Variants in PKD1L1 observed in about 807,000 individuals in gnomAD.
PKD1L1 encodes the protein polycystin-1-like protein 1.
PKD1L1 carries 236 observed loss-of-function variants against 323.4 expected under a neutral mutation model. That is an observed-to-expected ratio of 0.73 (90% confidence interval 0.66 to 0.81). The LOEUF (loss-of-function observed/expected upper bound fraction) is 0.81, where lower values mean the gene tolerates loss of function less well. Ranked by LOEUF, PKD1L1 falls within the 40% of genes least tolerant of loss-of-function variation. The pLI is 0.00. For missense variants in PKD1L1, 3,320 were observed against 3,508.0 expected, an observed-to-expected ratio of 0.95 and a Z score of 1.35; for synonymous variants, 1,344 against 1,335.0, an observed-to-expected ratio of 1.01 and a Z score of -0.15.
At chr7:47,802,636 G>C (rs548706691) in intron 53 of PKD1L1, among the ~76,000 whole-genome samples, 14 of 152,338 alleles carry the variant, frequency 9.2e-5, no homozygotes, top group Admixed American at 2.6e-4. Flanking sequence ...GGCCTGTCAG[G>C]TTGGAGAAAG....
chr7:47,812,156 A>C, intron 49 of PKD1L1, 105 bp from the exon 50 acceptor site: 1 of 919,154 alleles, frequency 1.1e-6, no homozygotes, highest in Non-Finnish European at 1.7e-6. Flanking sequence ...CCTATGCTAG[A>C]CTTTGCAAGG....
At chr7:47,787,416 C>A (rs1051211197) in intron 56 of PKD1L1, among the ~76,000 whole-genome samples, 1 of 152,142 alleles carries the variant, frequency 6.6e-6, no homozygotes, top group Non-Finnish European at 1.5e-5. Flanking sequence ...TTGCTGAAAA[C>A]GTCCCACTCA....
intron 8 of PKD1L1, 90 bp from the exon 9 acceptor site, chr7:47,908,340 T>A: frequency 8.1e-7 from 1 of 1,230,642 alleles, no homozygotes; most frequent in Non-Finnish European, 1.2e-6. Flanking sequence ...ATGGGGTGAT[T>A]AATATGGGAA....
chr7:47,930,763 C>T (rs575612457), intron 6 of PKD1L1, among the ~76,000 whole-genome samples: 2 of 152,124 alleles, frequency 1.3e-5, no homozygotes, highest in East Asian at 3.9e-4. Context: ...TGCAGTGAGC[C>T]GAGATCACGC....
chr7:47,883,924 T>A (rs1777195011), intron 19 of PKD1L1, among the ~76,000 whole-genome samples: 1 of 152,208 alleles, frequency 6.6e-6, no homozygotes, highest in Admixed American at 6.5e-5. Flanking sequence ...TGATCAAACA[T>A]CTGTTCATTC....
At chr7:47,952,656 A>G (rs1354425532), upstream of PKD1L1, among the ~76,000 whole-genome samples, 2 of 152,248 alleles carry the variant, frequency 1.3e-5, no homozygotes, top group African/African-American at 2.4e-5. Context: ...TGTGTCAATC[A>G]TCTGTGAGGC....
intron 46 of PKD1L1, chr7:47,819,597 A>G: frequency 7.4e-7 from 1 of 1,358,880 alleles, no homozygotes; most frequent in South Asian, 1.2e-5. Context: ...TTCACAAATG[A>G]GGAGGCAGAA....
Position 47,943,473 on chromosome 7 carries a change from TCAC to T in PKD1L1, c.80_82del (p.Gly27del). ...GCTCTTGTCAGTGCTCACAGACAGC[TCAC>T]CACCAAAGGAAAGGCAGCAGGCAGC... On this transcript the variant is annotated inframe_deletion, in exon 2 of 57. Transcript: ENST00000289672. The T allele has an allele frequency of 6.2e-7, 1 of 1,613,228 alleles. No individual in the cohort carries two copies. Among genetic ancestry groups the T allele is most frequent in the Non-Finnish European group, 8.5e-7 (1 of 1,179,522 alleles).
intron 46 of PKD1L1, chr7:47,817,946 C>T: frequency 9.1e-6 from 9 of 992,542 alleles, no homozygotes; most frequent in African/African-American, 1.7e-5. Context: ...TTTCTTTTTT[C>T]TTACGAAGAA....
At position 47,802,349 on chromosome 7, in the gene PKD1L1, G is replaced by T. The variant is rs12702391; in HGVS notation, c.7962+861C>A. Among the ~76,000 whole-genome samples the T allele has an allele frequency of 7.1e-3, 1,083 of 152,254 alleles. 7 individuals are homozygous for T. The highest frequency in any genetic ancestry group is 8.2e-3 in the Non-Finnish European group (559 of 68,018). On this transcript the variant is annotated intron_variant, in intron 53 of 56. Coordinates refer to ENST00000289672, the MANE Select transcript of PKD1L1 (RefSeq NM_138295.5). ...ATGCTTTTTCTGGAGGCAGAGGTTG[G>T]GCAAATGGCTGGTGCTCGCAACAGT...
chr7:47,929,133 A>AC, intron 7 of PKD1L1, 71 bp downstream of exon 7: 1 of 1,467,314 alleles, frequency 6.8e-7, no homozygotes. Flanking sequence ...TCTTTTCCCA[A>AC]CACTGCCTCT....
In PKD1L1 at chr7:47,902,482, G is replaced by A. The variant is rs1230651270; in HGVS notation, c.1961C>T (p.Ala654Val). Residue 654 changes from alanine to valine, a missense_variant, in exon 13 of 57, where the codon GCC becomes GTC. Coordinates refer to ENST00000289672, the MANE Select transcript of PKD1L1 (RefSeq NM_138295.5). ...REGEFTVEVLAFNNVSASTLR... is the reference protein window; with the variant it reads ...REGEFTVEVLVFNNVSASTLR... The stretch of plus-strand genomic sequence containing the variant: ...AGTGGAGGCACTGACATTATTGAAG[G>A]CAAGGACCTCCACTGTAAATTCTCC... 4 of 1,614,090 alleles carry A rather than the reference G, an allele frequency of 2.5e-6. No homozygotes were observed. The Admixed American group carries it at 5.0e-5, about 20-fold the overall frequency.
intron 51 of PKD1L1, chr7:47,809,005 ACT>A (rs35235592): frequency 0.73 from 110,814 of 152,720 alleles, 40,304 homozygotes; most frequent in African/African-American, 0.74. Flanking sequence ...AAACTTTTTG[ACT>A]CTATGATAAC....
Position 47,843,040 on chromosome 7 carries a change from T to C in PKD1L1, c.5367A>G (p.Glu1789=), listed in dbSNP as rs779037511. 6.2e-7 allele frequency: 1 copy of C among 1,613,982 alleles called. No individual in the cohort carries two copies. Among genetic ancestry groups the C allele is most frequent in the African/African-American group, 1.3e-5 (1 of 75,010 alleles). Reference sequence around the variant, plus strand: ...ATAGCTGATGGCCCGGCAGGGAAGCTTCTTGCAGAAAGATGTAACCAGCTT... The same window carrying C: ...ATAGCTGATGGCCCGGCAGGGAAGCCTCTTGCAGAAAGATGTAACCAGCTT... ...KKKAGYIFLQ[E]ASLPGHQLYA... is the part of the protein sequence containing the mutation. The change falls in exon 34 of 57, where the codon GAA becomes GAG. Residue 1789 remains glutamate (E), a synonymous_variant. Coordinates refer to ENST00000289672, the MANE Select transcript of PKD1L1 (RefSeq NM_138295.5).
At chr7:47,917,871 A>G (rs919454673) in intron 7 of PKD1L1, among the ~76,000 whole-genome samples, 5 of 152,184 alleles carry the variant, frequency 3.3e-5, no homozygotes, top group Non-Finnish European at 7.4e-5. Flanking sequence ...ACCTCTTTAA[A>G]GCATAAATCT....
chr7:47,930,461 C>T (rs1173612674), intron 6 of PKD1L1, among the ~76,000 whole-genome samples: 2 of 151,518 alleles, frequency 1.3e-5, no homozygotes, highest in Non-Finnish European at 2.9e-5. Context: ...CCCAAGATCG[C>T]GCCACTGCAC....
chr7:47,940,184 C>CAGGA lies in PKD1L1; in HGVS notation c.285+5_285+8dup. ...AAGAAAAGCCTAATTTCCCCAGATC[C>CAGGA]AGGAATACCTTCTGCCTGGAAGCTG... On this transcript the variant is annotated intron_variant, in intron 3 of 56. Coordinates refer to ENST00000289672, the MANE Select transcript of PKD1L1 (RefSeq NM_138295.5). 6.2e-7 allele frequency: 1 copy of CAGGA among 1,614,104 alleles called. No individual in the cohort carries two copies.
At chr7:47,953,593 A>G in the PKD1L1 span, among the ~76,000 whole-genome samples, 1 of 152,340 alleles carries the variant, frequency 6.6e-6, no homozygotes, top group South Asian at 2.1e-4. Context: ...AGGGAGGCCC[A>G]CCTGTCATTT....
chr7:47,870,099 T>C (rs1000579360), intron 24 of PKD1L1, among the ~76,000 whole-genome samples: 1 of 151,988 alleles, frequency 6.6e-6, no homozygotes, highest in African/African-American at 2.4e-5. Context: ...AATCAGTGCT[T>C]GAAGGGAATT....
Sources: allele counts gnomAD v4.1 joint callset (sites outside exome capture counted in the v4.1 genomes callset), GRCh38; gene constraint gnomAD v4.1.1; transcripts MANE v1.5; gene names NCBI Gene and HGNC (gene_info 2026-07-23, HGNC 2026-07-21).